The following TDO2 variants were observed in gnomAD, a reference collection of about 807,000 sequenced individuals.
TDO2 encodes tryptamin 2,3-dioxygenase.
In TDO2, 63 loss-of-function variants were observed where a neutral mutation model predicts 61.2. The observed-to-expected ratio is 1.03, with a 90% confidence interval of 0.84 to 1.27. TDO2 has a LOEUF of 1.27. Ranked by LOEUF, TDO2 falls within the 50% of genes most tolerant of loss-of-function variation. TDO2 has a pLI of 0.00. For missense variants in TDO2, 494 were observed against 469.5 expected, an observed-to-expected ratio of 1.05 and a Z score of -0.48; for synonymous variants, 183 against 164.0, an observed-to-expected ratio of 1.12 and a Z score of -0.89.
chr4:155,914,277 C>A, intron 7 of TDO2, 46 bp from the exon 8 acceptor site: 1 of 1,410,954 alleles, frequency 7.1e-7, no homozygotes, highest in Non-Finnish European at 9.7e-7. Context: ...AAATATCAAT[C>A]TACTTATTCT....
At chr4:155,910,351 C>T (rs536843516) in intron 6 of TDO2, 140 bp downstream of exon 6, 1 of 617,376 alleles carries the variant, frequency 1.6e-6, no homozygotes, top group Non-Finnish European at 2.6e-6. Flanking sequence ...CATAAAAATA[C>T]ATGAATTTGT....
intron 2 of TDO2, among the ~76,000 whole-genome samples, chr4:155,904,699 A>C (rs1226473976): frequency 1.3e-5 from 2 of 152,172 alleles, no homozygotes; most frequent in Non-Finnish European, 2.9e-5. Flanking sequence ...ACTGATAAAG[A>C]ATGTTAAAAT....
intron 7 of TDO2, 81 bp downstream of exon 7, chr4:155,911,685 T>A: frequency 1.0e-6 from 1 of 982,790 alleles, no homozygotes; most frequent in Non-Finnish European, 1.4e-6. Flanking sequence ...GCTTTTCTCT[T>A]AACCTTTTCT....
In TDO2 at chr4:155,918,164, T is replaced by C; in HGVS notation, c.992T>C (p.Met331Thr). The C allele has an allele frequency of 9.9e-6, 16 of 1,614,054 alleles. No individual in the cohort carries two copies. Among genetic ancestry groups the C allele is most frequent in the Non-Finnish European group, 1.3e-5 (15 of 1,179,924 alleles). ...MTKWRYNHVCMVHRMLGSKAG... is the reference protein window; with the variant it reads ...MTKWRYNHVCTVHRMLGSKAG... ...GTTTGCCTAGATAACCATGTGTGCATGGTGCACAGAATGCTGGGCAGCAAA... is the reference window on the plus strand; with the variant it reads ...GTTTGCCTAGATAACCATGTGTGCACGGTGCACAGAATGCTGGGCAGCAAA... Residue 331 changes from methionine to threonine, a missense_variant, in exon 11 of 12, where the codon ATG becomes ACG. Coordinates refer to ENST00000536354, the MANE Select transcript of TDO2 (RefSeq NM_005651.4).
rs769600704 is a variant in TDO2, at chr4:155,904,084, AG to A, written c.103del (p.Ala35ProfsTer18). The A allele has an allele frequency of 9.2e-5, 149 of 1,613,982 alleles. No individual in the cohort carries two copies. Among genetic ancestry groups the A allele is most frequent in the Non-Finnish European group, 1.2e-4 (143 of 1,180,002 alleles). On this transcript the variant is annotated frameshift_variant, in exon 2 of 12. Transcript: ENST00000536354. LOFTEE classifies it high-confidence loss of function. ...EDKSQTGVNR[A>X]SKGGLIYGNY... is the part of the protein sequence containing the mutation. Reference sequence around the variant, plus strand: ...ACAAATCACAAACTGGTGTGAATAGAGCCAGCAAAGGAGGTCTTATCTATGG... The same window carrying A: ...ACAAATCACAAACTGGTGTGAATAGACCAGCAAAGGAGGTCTTATCTATGG...
At position 155,908,876 on chromosome 4, in the gene TDO2, T is replaced by A. The variant is rs998280861; in HGVS notation, c.304-11T>A. 6.2e-7 allele frequency: 1 copy of A among 1,607,592 alleles called. No homozygotes were observed. The highest frequency in any genetic ancestry group is 1.3e-5 in the African/African-American group (1 of 74,744). On this transcript the variant is annotated splice_polypyrimidine_tract_variant and intron_variant, in intron 4 of 11. Coordinates refer to ENST00000536354, the MANE Select transcript of TDO2 (RefSeq NM_005651.4). ...CATTGCTAACTCAGTGTTTCATTTC[T>A]TAACCTTCAGGTCAGAGATGAAAGG...
intron 3 of TDO2, chr4:155,906,687 A>G (rs1416418743): frequency 1.3e-5 from 2 of 152,204 alleles, no homozygotes; most frequent in Non-Finnish European, 2.9e-5. Context: ...ATACTATGGG[A>G]AGGACAAATC....
intron 3 of TDO2, 35 bp from the exon 4 acceptor site, chr4:155,907,687 T>C: frequency 1.3e-6 from 2 of 1,522,858 alleles, no homozygotes; most frequent in Non-Finnish European, 9.0e-7. Flanking sequence ...AAGGCTCCCA[T>C]AACTTTCCAA....
In TDO2 at chr4:155,915,861, G is replaced by A. The variant is rs1742922632; in HGVS notation, c.845G>A (p.Arg282Lys). The change falls in exon 9 of 12, where the codon AGA becomes AAA. Residue 282 changes from arginine (R) to lysine (K), a missense_variant. Arg to Lys is a conservative substitution (Grantham distance 26). Transcript: ENST00000536354. Reference sequence around the variant, plus strand: ...TTTAGTATGTATTTTGCAGGTGAAAGACGGCTGTCATACAGAGCACTTCAG... The same window carrying A: ...TTTAGTATGTATTTTGCAGGTGAAAAACGGCTGTCATACAGAGCACTTCAG... ...RHEHLLSKGE[R>K]RLSYRALQGA... 4 of 1,608,882 alleles carry A rather than the reference G, an allele frequency of 2.5e-6. No individual in the cohort carries two copies. Among genetic ancestry groups the A allele is most frequent in the Middle Eastern group, 1.6e-4 (1 of 6,074 alleles).
intron 5 of TDO2, 75 bp from the exon 6 acceptor site, chr4:155,909,950 C>A (rs1191220721): frequency 1.4e-5 from 2 of 141,800 alleles, no homozygotes; most frequent in South Asian, 1.9e-4. Context: ...CCCTCCCCCC[C>A]CTTTCTCTTC....
At position 155,918,301 on chromosome 4, in the gene TDO2, A is replaced by C; in HGVS notation, c.1067+62A>C. ...TCACCAACAATTTGTTTCTCCACCT[A>C]TACATTTGCTATCTAAAAAAAGCCA... On this transcript the variant is annotated intron_variant, in intron 11 of 11. Transcript: ENST00000536354. 3.3e-6 allele frequency: 5 copies of C among 1,521,896 alleles called. 1 individual carries two copies. The highest frequency in any genetic ancestry group is 4.5e-6 in the Non-Finnish European group (5 of 1,100,380). The allele number at this position is 1,521,896 out of a possible 1,614,324, so 94.3% of individuals were successfully genotyped here. A position where few individuals can be genotyped will look rare whatever the true frequency, so the allele number is the denominator to read the frequency against.
chr4:155,905,204 T>C lies in TDO2; in HGVS notation c.232+47T>C, dbSNP rs761909341. On this transcript the variant is annotated intron_variant, in intron 3 of 11. Transcript: ENST00000536354. ...GACAATATTCCACAGGCATTTCTCATTGATAACGAGGAAAGCTACAATTTT... is the reference window on the plus strand; with the variant it reads ...GACAATATTCCACAGGCATTTCTCACTGATAACGAGGAAAGCTACAATTTT... 1.6e-5 allele frequency: 22 copies of C among 1,348,130 alleles called. No individual in the cohort carries two copies. In the South Asian group the frequency reaches 2.6e-4, roughly 16 times the overall value. The allele number at this position is 1,348,130 out of a possible 1,614,324, so 83.5% of individuals were successfully genotyped here. A position where few individuals can be genotyped will look rare whatever the true frequency, so the allele number is the denominator to read the frequency against.
In TDO2 at chr4:155,908,936, T is replaced by C. The variant is rs1431464781; in HGVS notation, c.353T>C (p.Val118Ala). The change falls in exon 5 of 12, where the codon GTG becomes GCG. Residue 118 changes from valine to alanine, a missense_variant. Transcript: ENST00000536354. ...MLKVVSRMHRVSVILKLLVQQ... is the reference protein window; with the variant it reads ...MLKVVSRMHRASVILKLLVQQ... ...AAGGTTGTTTCTCGGATGCACCGAG[T>C]GTCAGTGATCCTGAAACTGCTGGTG... 1.2e-6 allele frequency: 2 copies of C among 1,613,228 alleles called. No homozygotes were observed. Among genetic ancestry groups the C allele is most frequent in the Admixed American group, 1.7e-5 (1 of 59,874 alleles).
chr4:155,916,437 G>A (rs1202187472), intron 9 of TDO2, among the ~76,000 whole-genome samples: 1 of 1,406 alleles, frequency 7.1e-4, no homozygotes, highest in African/African-American at 7.8e-4. Flanking sequence ...CAAAGTGCTG[G>A]GATTACAAGC....
Position 155,915,839 on chromosome 4 carries a change from A to G in TDO2, c.839-16A>G, listed in dbSNP as rs775128941. The G allele has an allele frequency of 1.3e-6, 2 of 1,598,606 alleles. No individual in the cohort carries two copies. The highest frequency in any genetic ancestry group is 1.4e-5 in the African/African-American group (1 of 74,022). Reference sequence around the variant, plus strand: ...TAAATGACCTAAAAAATTTAAATTTAGTATGTATTTTGCAGGTGAAAGACG... The same window carrying G: ...TAAATGACCTAAAAAATTTAAATTTGGTATGTATTTTGCAGGTGAAAGACG... On this transcript the variant is annotated splice_polypyrimidine_tract_variant and intron_variant, in intron 8 of 11. Coordinates refer to ENST00000536354, the MANE Select transcript of TDO2 (RefSeq NM_005651.4).
At chr4:155,909,078 AG>A in intron 5 of TDO2, 64 bp downstream of exon 5, 3 of 1,490,652 alleles carry the variant, frequency 2.0e-6, no homozygotes, top group Non-Finnish European at 2.7e-6. Flanking sequence ...GTGGGGTAAA[AG>A]CAGCATGTGT....
intron 7 of TDO2, among the ~76,000 whole-genome samples, chr4:155,911,848 T>C (rs1454236677): frequency 6.6e-6 from 1 of 152,176 alleles, no homozygotes; most frequent in Non-Finnish European, 1.5e-5. Context: ...AGATTAATAT[T>C]ATTTTTCATT....
chr4:155,917,509 C>CA (rs1387568524), intron 10 of TDO2, 35 bp downstream of exon 10: 27 of 1,543,314 alleles, frequency 1.7e-5, no homozygotes, highest in Non-Finnish European at 2.3e-5. Flanking sequence ...GTTGCTTCCC[C>CA]ACATGCTGTT....
chr4:155,915,091 C>T (rs1037217570), intron 8 of TDO2, among the ~76,000 whole-genome samples: 1 of 152,064 alleles, frequency 6.6e-6, no homozygotes, highest in South Asian at 2.1e-4. Context: ...TTTAGACTTT[C>T]GGCACAATTA....
Sources: gnomAD v4.1 joint callset for allele counts (sites outside exome capture counted in the v4.1 genomes callset) on GRCh38, gnomAD v4.1.1 for gene constraint, MANE v1.5 for transcripts, NCBI Gene and HGNC (gene_info 2026-07-23, HGNC 2026-07-21) for gene names.